Variants in MAPK10 observed in about 807,000 individuals in gnomAD.
MAPK10 encodes the protein JNK3 alpha protein kinase.
In MAPK10, 25 loss-of-function variants were observed where a neutral mutation model predicts 59.3. The ratio of observed to expected loss-of-function variants is 0.42; its 90% CI spans 0.31 to 0.59. The LOEUF (loss-of-function observed/expected upper bound fraction) is 0.59. MAPK10 is among the 20% of genes least tolerant of loss of function. The pLI is 0.15. For synonymous variants in MAPK10, 190 were observed against 200.5 expected (o/e 0.95, Z 0.44); for missense variants, 351 against 568.9 (o/e 0.62, Z 3.90).
chr4:86,103,075 C>CTGTGTATGTGTA, intron 6 of MAPK10, 111 bp downstream of exon 6: 1 of 496,826 alleles, frequency 2.0e-6, no homozygotes, highest in South Asian at 2.1e-5. Context: ...GATTTCAACT[C>CTGTGTATGTGTA]TGTGTGTGTG....
Position 86,466,475 on chromosome 4 carries a change from C to A in MAPK10, c.-262-111831G>T, listed in dbSNP as rs75412190. The stretch of plus-strand genomic sequence containing the variant: ...AAATGATATGGCCCGTTGTAGGCCA[C>A]ATGCTATATTTCTGTGTGTGTGTCT... On this transcript the variant is annotated intron_variant, in intron 1 of 4. Transcript: ENST00000502302. 5.5e-3 allele frequency among the ~76,000 whole-genome samples: 831 copies of A among 152,288 alleles called. 22 individuals carry two copies. The highest frequency in any genetic ancestry group is 0.051 in the East Asian group (262 of 5,182).
At chr4:86,583,213 C>T (rs1046587217) in intron 1 of MAPK10, among the ~76,000 whole-genome samples, 5 of 151,762 alleles carry the variant, frequency 3.3e-5, no homozygotes, top group Admixed American at 6.6e-5. Context: ...TTAGTAGAGA[C>T]GTGGTTTCAC....
chr4:86,559,567 G>A (rs1055993925), intron 1 of MAPK10, among the ~76,000 whole-genome samples: 1 of 152,200 alleles, frequency 6.6e-6, no homozygotes, highest in Non-Finnish European at 1.5e-5. Flanking sequence ...AGGAAAGGGT[G>A]AAGAGAGGAA....
chr4:86,368,752 C>T (rs1738300635), intron 1 of MAPK10, among the ~76,000 whole-genome samples: 1 of 152,024 alleles, frequency 6.6e-6, no homozygotes, highest in African/African-American at 2.4e-5. Flanking sequence ...AAAACAGTTC[C>T]ACACAACTTT....
chr4:86,053,123 C>CTTAA (rs1483068592), intron 11 of MAPK10, among the ~76,000 whole-genome samples: 1 of 152,146 alleles, frequency 6.6e-6, no homozygotes, highest in African/African-American at 2.4e-5. Context: ...CCTTTAGGAA[C>CTTAA]TTAAGCAGGG....
intron 4 of MAPK10, among the ~76,000 whole-genome samples, chr4:86,141,316 A>G (rs776953917): frequency 3.9e-5 from 6 of 152,232 alleles, no homozygotes; most frequent in Non-Finnish European, 8.8e-5. Flanking sequence ...ACAAGGCACA[A>G]AGAGCTACAG....
intron 2 of MAPK10, among the ~76,000 whole-genome samples, chr4:86,296,159 G>C (rs1480742962): frequency 6.8e-6 from 1 of 146,944 alleles, no homozygotes; most frequent in Non-Finnish European, 1.5e-5. Context: ...CTGAGTGACA[G>C]AGTAAGACTT....
chr4:86,414,827 C>T (rs73838904), intron 1 of MAPK10, among the ~76,000 whole-genome samples: 26,743 of 152,002 alleles, frequency 0.18, 2,477 homozygotes, highest in South Asian at 0.28. Flanking sequence ...CCATTCTACC[C>T]TTCATCCATG....
intron 5 of MAPK10, among the ~76,000 whole-genome samples, chr4:86,103,762 G>A (rs1456692958): frequency 6.6e-6 from 1 of 151,340 alleles, no homozygotes; most frequent in Non-Finnish European, 1.5e-5. Flanking sequence ...GGGGAAAGGT[G>A]CATTCTAGAT....
chr4:86,268,621 A>G (rs2148764408), intron 2 of MAPK10: 1 of 152,032 alleles, frequency 6.6e-6, no homozygotes, highest in African/African-American at 2.4e-5. Context: ...TGCAAAACTC[A>G]TCTCCACCTA....
At chr4:86,095,387 A>G (rs1387827482) in intron 9 of MAPK10, 1 of 151,898 alleles carries the variant, frequency 6.6e-6, no homozygotes, top group Non-Finnish European at 1.5e-5. Context: ...GTGAAGAGAG[A>G]AGAAAAATGT....
At chr4:86,522,386 A>G (rs1346720925) in intron 1 of MAPK10, among the ~76,000 whole-genome samples, 1 of 152,216 alleles carries the variant, frequency 6.6e-6, no homozygotes, top group African/African-American at 2.4e-5. Context: ...GAGCTAGAAT[A>G]TGAACTACCT....
chr4:86,552,202 T>C (rs1176223051), intron 1 of MAPK10, among the ~76,000 whole-genome samples: 1 of 151,772 alleles, frequency 6.6e-6, no homozygotes, highest in Non-Finnish European at 1.5e-5. Context: ...GGAGGATCTC[T>C]TGAGCTCAGG....
intron 1 of MAPK10, among the ~76,000 whole-genome samples, chr4:86,509,492 C>T (rs1756049205): frequency 6.6e-6 from 1 of 151,098 alleles, no homozygotes; most frequent in Non-Finnish European, 1.5e-5. Context: ...AAAAAACCTG[C>T]CAAAATGCTT....
chr4:86,521,685 G>C (rs113477178), intron 1 of MAPK10, among the ~76,000 whole-genome samples: 73 of 152,180 alleles, frequency 4.8e-4, no homozygotes, highest in African/African-American at 1.6e-3. Context: ...TAGGCAGCTG[G>C]TGGGCAGGGC....
intron 3 of MAPK10, among the ~76,000 whole-genome samples, chr4:86,180,293 C>T (rs912460877): frequency 6.6e-6 from 1 of 151,730 alleles, no homozygotes. Context: ...TGTTATTCTA[C>T]CCCGGTTAGA....
intron 1 of MAPK10, among the ~76,000 whole-genome samples, chr4:86,568,579 A>T (rs1335440871): frequency 6.6e-6 from 1 of 152,146 alleles, no homozygotes; most frequent in Non-Finnish European, 1.5e-5. Context: ...ACAGTGTGGT[A>T]CTAGTATAAA....
At chr4:86,283,788 A>G (rs2148805108) in intron 2 of MAPK10, among the ~76,000 whole-genome samples, 1 of 152,344 alleles carries the variant, frequency 6.6e-6, no homozygotes, top group East Asian at 1.9e-4. Context: ...TTATCAATGT[A>G]AGACATTTTC....
intron 1 of MAPK10, among the ~76,000 whole-genome samples, chr4:86,377,395 T>C (rs546899692): frequency 4.2e-4 from 64 of 152,296 alleles, no homozygotes; most frequent in South Asian, 2.1e-3. Context: ...GCAATGATAA[T>C]GGCACTTCTA....
Sources: gnomAD v4.1 joint callset for allele counts (sites outside exome capture counted in the v4.1 genomes callset) on GRCh38, gnomAD v4.1.1 for gene constraint, MANE v1.5 for transcripts, NCBI Gene and HGNC (gene_info 2026-07-23, HGNC 2026-07-21) for gene names.